SEMA5A: variants seen among roughly 807,000 people sequenced by gnomAD.
The protein encoded by SEMA5A is semaphorin 5A.
Under a neutral mutation model 135.5 loss-of-function variants are expected in SEMA5A, and 55 were observed. The observed-to-expected ratio is 0.41, with a 90% confidence interval of 0.33 to 0.51. The LOEUF is 0.51. SEMA5A is among the 20% of genes least tolerant of loss of function. The probability of loss-of-function intolerance (pLI) is 0.37; values close to 1 mark genes in which losing one functional copy is unlikely to be tolerated. For synonymous variants in SEMA5A, 580 were observed against 546.5 expected, an observed-to-expected ratio of 1.06 and a Z score of -0.85; for missense variants, 1,290 against 1,419.9, an observed-to-expected ratio of 0.91 and a Z score of 1.47.
intron 16 of SEMA5A, among the ~76,000 whole-genome samples, chr5:9,084,573 T>G (rs1469637304): frequency 6.6e-6 from 1 of 152,216 alleles, no homozygotes; most frequent in Non-Finnish European, 1.5e-5. Context: ...TTCTCTTGTC[T>G]CCTGCCATGT....
At chr5:9,159,777 T>A (rs1330949819) in intron 11 of SEMA5A, among the ~76,000 whole-genome samples, 3 of 152,156 alleles carry the variant, frequency 2.0e-5, no homozygotes, top group Non-Finnish European at 4.4e-5. Flanking sequence ...GCACTATTTA[T>A]AATAGCAAAG....
chr5:9,066,043 T>G (rs1737445054), intron 17 of SEMA5A, among the ~76,000 whole-genome samples: 2 of 152,250 alleles, frequency 1.3e-5, no homozygotes, highest in South Asian at 4.1e-4. Flanking sequence ...TTGTGAAGTT[T>G]TGGGATAAAT....
chr5:9,545,764 G>A lies in SEMA5A; in HGVS notation c.-355C>T, dbSNP rs1403256289. The A allele has an allele frequency of 6.6e-6, 1 of 152,296 alleles. No individual in the cohort carries two copies. The highest frequency in any genetic ancestry group is 6.5e-5 in the Admixed American group (1 of 15,294). 9.4% of individuals were successfully genotyped at this position (152,296 alleles called of 1,614,324 possible). The stretch of plus-strand genomic sequence containing the variant: ...ATGGGGGCACCGGCTTGGGGGCCAC[G>A]AGCACGGTCCCCGAGCGCGCGGCCA... On this transcript the variant is annotated 5_prime_UTR_variant, in exon 1 of 23. Coordinates refer to ENST00000382496, the MANE Select transcript of SEMA5A (RefSeq NM_003966.3). This position sits in a 1 kb window ranked among gnomAD's most constrained non-coding sequence, Gnocchi z 4.5.
At chr5:9,252,841 G>A (rs1482047294) in intron 5 of SEMA5A, among the ~76,000 whole-genome samples, 3 of 152,148 alleles carry the variant, frequency 2.0e-5, no homozygotes, top group African/African-American at 4.8e-5. Context: ...ACCCTGGGGA[G>A]GTGTGAAGAA....
At chr5:9,221,642 G>C (rs1347536656) in intron 8 of SEMA5A, among the ~76,000 whole-genome samples, 2 of 152,032 alleles carry the variant, frequency 1.3e-5, no homozygotes, top group Non-Finnish European at 2.9e-5. Context: ...TCATTAGAAA[G>C]GAAGAAATTT....
At position 9,120,784 on chromosome 5, in the gene SEMA5A, A is replaced by ATTTT. The variant is rs11458510; in HGVS notation, c.1782-1647_1782-1644dup. ...TAAATCTTTTAGCAAATGTGGATTG[A>ATTTT]TTTTTTTTTTTTTGAGACAGAGTCT... is the stretch of plus-strand genomic sequence containing the variant. On this transcript the variant is annotated intron_variant, in intron 14 of 22. Coordinates refer to ENST00000382496, the MANE Select transcript of SEMA5A (RefSeq NM_003966.3). Among the ~76,000 whole-genome samples, 99 of 146,316 alleles carry ATTTT rather than the reference A, an allele frequency of 6.8e-4. 1 individual carries two copies. The highest frequency in any genetic ancestry group is 2.0e-3 in the African/African-American group (80 of 39,782).
At chr5:9,143,764 C>G (rs899816159) in intron 12 of SEMA5A, among the ~76,000 whole-genome samples, 1 of 152,172 alleles carries the variant, frequency 6.6e-6, no homozygotes, top group Non-Finnish European at 1.5e-5. Context: ...GCAGAGACCC[C>G]GTTCCACTCC....
At chr5:9,179,622 A>G (rs1273703317) in intron 11 of SEMA5A, among the ~76,000 whole-genome samples, 1 of 152,248 alleles carries the variant, frequency 6.6e-6, no homozygotes, top group Non-Finnish European at 1.5e-5. Context: ...TAATGCTCCC[A>G]CATTTAATCA....
rs1044644243 is a variant in SEMA5A, at chr5:9,204,588, A to T, written c.647-2348T>A. On this transcript the variant is annotated intron_variant, in intron 8 of 22. Transcript: ENST00000382496. The surrounding 1 kb of genome is among the most constrained non-coding windows in gnomAD (Gnocchi z 6.4). ...CCCATTGAACTCACAAGAATCACAG[A>T]GCTAGGTGCTGTGCTATTCTTCCCA... Among the ~76,000 whole-genome samples the T allele has an allele frequency of 2.6e-5, 4 of 152,220 alleles. No individual in the cohort carries two copies. Among genetic ancestry groups the T allele is most frequent in the African/African-American group, 9.6e-5 (4 of 41,454 alleles).
intron 17 of SEMA5A, among the ~76,000 whole-genome samples, chr5:9,065,517 G>C (rs1053671814): frequency 6.6e-6 from 1 of 152,200 alleles, no homozygotes; most frequent in Admixed American, 6.5e-5. Context: ...CTGTCCTTTC[G>C]TGTTGGGAGA....
chr5:9,237,105 G>A (rs987477482), intron 6 of SEMA5A, among the ~76,000 whole-genome samples: 1 of 152,054 alleles, frequency 6.6e-6, no homozygotes, highest in Admixed American at 6.6e-5. Context: ...TTCACCATTG[G>A]AAGTCTGTGC....
chr5:9,160,759 C>A (rs1190762944), intron 11 of SEMA5A, among the ~76,000 whole-genome samples: 1 of 152,152 alleles, frequency 6.6e-6, no homozygotes, highest in Non-Finnish European at 1.5e-5. Flanking sequence ...GAGATGGTCC[C>A]TTCAACCTCT....
At chr5:9,394,484 C>T (rs576943811) in intron 2 of SEMA5A, among the ~76,000 whole-genome samples, 130 of 152,270 alleles carry the variant, frequency 8.5e-4, no homozygotes, top group Non-Finnish European at 1.4e-3. Flanking sequence ...CAGAGCCTGG[C>T]CTGCTTGTTA....
At chr5:9,183,508 G>A (rs1021442837) in intron 11 of SEMA5A, among the ~76,000 whole-genome samples, 10 of 152,176 alleles carry the variant, frequency 6.6e-5, no homozygotes, top group African/African-American at 2.4e-4. Flanking sequence ...AGCATCAACT[G>A]GAGGAACCTC....
At chr5:9,316,847 T>C (rs1752416528) in intron 5 of SEMA5A, among the ~76,000 whole-genome samples, 1 of 152,164 alleles carries the variant, frequency 6.6e-6, no homozygotes, top group Admixed American at 6.6e-5. Context: ...TTCAAGCACA[T>C]AGTACATTGT....
At chr5:9,136,666 A>T (rs752076913) in intron 12 of SEMA5A, 45 bp from the exon 13 acceptor site, 1 of 1,506,916 alleles carries the variant, frequency 6.6e-7, no homozygotes, top group Non-Finnish European at 9.2e-7. Context: ...CGCTTTACCC[A>T]TGATAAGATA....
chr5:9,339,243 G>A (rs961747155), intron 3 of SEMA5A, among the ~76,000 whole-genome samples: 1 of 152,116 alleles, frequency 6.6e-6, no homozygotes. Context: ...GTTTATAGGG[G>A]CTTGTGGGGT....
chr5:9,161,725 T>C (rs1210866321), intron 11 of SEMA5A, among the ~76,000 whole-genome samples: 2 of 152,298 alleles, frequency 1.3e-5, no homozygotes, highest in East Asian at 3.9e-4. Flanking sequence ...AAGAGACAAG[T>C]CCAAACCCAC....
intron 5 of SEMA5A, among the ~76,000 whole-genome samples, chr5:9,264,872 C>A (rs1749598630): frequency 6.6e-6 from 1 of 152,150 alleles, no homozygotes; most frequent in Admixed American, 6.5e-5. Context: ...GGCTGGCTGA[C>A]TTCGGGGTGG....
Sources: allele counts gnomAD v4.1 joint callset (sites outside exome capture counted in the v4.1 genomes callset), GRCh38; gene constraint gnomAD v4.1.1; non-coding constraint Gnocchi (gnomAD v3.1); transcripts MANE v1.5; gene names NCBI Gene and HGNC (gene_info 2026-07-23, HGNC 2026-07-21).